CHRM3: variants seen among roughly 807,000 people sequenced by gnomAD.
CHRM3 encodes the protein muscarinic acetylcholine receptor M3.
A neutral mutation model predicts 41.8 loss-of-function variants in CHRM3; 11 were observed. The ratio of observed to expected loss-of-function variants is 0.26; its 90% CI spans 0.17 to 0.44. The LOEUF (loss-of-function observed/expected upper bound fraction) is 0.44. Ranked by LOEUF, CHRM3 falls within the 20% of genes least tolerant of loss-of-function variation. CHRM3 has a pLI of 1.00. For synonymous variants in CHRM3, 297 were observed against 301.4 expected (o/e 0.99, Z 0.15); for missense variants, 571 against 745.4 (o/e 0.77, Z 2.72).
At chr1:239,703,425 T>TGA (rs1374051732) in intron 5 of CHRM3, 1 of 152,218 alleles carries the variant, frequency 6.6e-6, no homozygotes, top group Non-Finnish European at 1.5e-5. Flanking sequence ...GCGTGGGAAA[T>TGA]GACTACCATA....
At chr1:239,618,670 C>T (rs756209635) in intron 3 of CHRM3, among the ~76,000 whole-genome samples, 18 of 151,094 alleles carry the variant, frequency 1.2e-4, no homozygotes, top group Admixed American at 4.6e-4. Context: ...CGGTGAAACC[C>T]CGTCTCTACT....
intron 4 of CHRM3, among the ~76,000 whole-genome samples, chr1:239,664,424 A>G (rs1673556586): frequency 6.6e-6 from 1 of 152,202 alleles, no homozygotes; most frequent in Admixed American, 6.5e-5. Flanking sequence ...TACCTCTAAA[A>G]TACTTTCCAA....
At chr1:239,428,561 TA>T (rs1662577767) in intron 1 of CHRM3, among the ~76,000 whole-genome samples, 2 of 152,218 alleles carry the variant, frequency 1.3e-5, no homozygotes, top group Non-Finnish European at 2.9e-5. Flanking sequence ...GTTTGTTGAA[TA>T]AAACGGAATT....
intron 2 of CHRM3, among the ~76,000 whole-genome samples, chr1:239,537,399 TG>T (rs986307699): frequency 3.2e-4 from 49 of 152,142 alleles, no homozygotes; most frequent in African/African-American, 1.1e-3. Flanking sequence ...GCACTTTACG[TG>T]GTGGGAACAA....
chr1:239,800,623 G>A (rs1258748862), intron 5 of CHRM3, among the ~76,000 whole-genome samples: 1 of 152,170 alleles, frequency 6.6e-6, no homozygotes, highest in African/African-American at 2.4e-5. Context: ...CAAGTCCAAG[G>A]AGATGCCAGC....
chr1:239,529,480 C>G (rs1353933966), intron 2 of CHRM3, among the ~76,000 whole-genome samples: 1 of 151,838 alleles, frequency 6.6e-6, no homozygotes, highest in African/African-American at 2.4e-5. Context: ...GACATGGTGG[C>G]ATGTGCCTGT....
chr1:239,792,543 C>A lies in CHRM3; in HGVS notation c.-146-34709C>A, dbSNP rs140043723. 2.6e-5 allele frequency among the ~76,000 whole-genome samples: 4 copies of A among 152,256 alleles called. No individual in the cohort carries two copies. The East Asian group carries it at 7.7e-4, about 29-fold the overall frequency. ...ATATGAACATGCATTTTAATGTAGACAAATAGATGAAATCATTTTGAGAGT... is the reference window on the plus strand; with the variant it reads ...ATATGAACATGCATTTTAATGTAGAAAAATAGATGAAATCATTTTGAGAGT... On this transcript the variant is annotated intron_variant, in intron 5 of 6. Transcript: ENST00000676153.
chr1:239,719,333 G>A (rs1662703225), intron 5 of CHRM3, among the ~76,000 whole-genome samples: 1 of 151,944 alleles, frequency 6.6e-6, no homozygotes, highest in Non-Finnish European at 1.5e-5. Context: ...TAGTTATTTA[G>A]CCCTTAATTG....
chr1:239,691,829 C>T (rs2147993222), intron 5 of CHRM3, among the ~76,000 whole-genome samples: 1 of 152,258 alleles, frequency 6.6e-6, no homozygotes, highest in East Asian at 1.9e-4. Context: ...AGACTCAAGG[C>T]TTACAAGCTC....
At chr1:239,888,640 A>T (rs1015388366) in intron 6 of CHRM3, among the ~76,000 whole-genome samples, 1 of 151,784 alleles carries the variant, frequency 6.6e-6, no homozygotes, top group African/African-American at 2.4e-5. Context: ...AGACTGAATT[A>T]GGTGGGATCA....
chr1:239,623,143 T>G (rs2148823110), intron 3 of CHRM3, among the ~76,000 whole-genome samples: 1 of 152,308 alleles, frequency 6.6e-6, no homozygotes, highest in South Asian at 2.1e-4. Flanking sequence ...CTTTAAGTTT[T>G]AGGGTACATG....
At chr1:239,859,568 C>T (rs1035806168) in intron 6 of CHRM3, among the ~76,000 whole-genome samples, 3 of 151,128 alleles carry the variant, frequency 2.0e-5, no homozygotes, top group African/African-American at 4.9e-5. Context: ...GCATGCACTA[C>T]GATGCTCAGC....
At chr1:239,814,220 G>C (rs1339435469) in intron 5 of CHRM3, among the ~76,000 whole-genome samples, 1 of 152,054 alleles carries the variant, frequency 6.6e-6, no homozygotes, top group Admixed American at 6.6e-5. Context: ...CCCTCTCTTT[G>C]TTTCTCTCTC....
intron 5 of CHRM3, among the ~76,000 whole-genome samples, chr1:239,778,996 C>G (rs906574344): frequency 1.3e-5 from 2 of 152,150 alleles, no homozygotes; most frequent in African/African-American, 4.8e-5. Context: ...TTTCCTGCCA[C>G]TTGTCAGAAG....
chr1:239,436,758 G>T (rs1663303422), intron 1 of CHRM3, among the ~76,000 whole-genome samples: 1 of 151,850 alleles, frequency 6.6e-6, no homozygotes, highest in African/African-American at 2.4e-5. Flanking sequence ...TACTTTTCTA[G>T]GGCAAAGATA....
intron 1 of CHRM3, among the ~76,000 whole-genome samples, chr1:239,469,324 A>G (rs1295160919): frequency 2.0e-5 from 3 of 152,104 alleles, no homozygotes; most frequent in Non-Finnish European, 1.5e-5. Context: ...AACCCATTCA[A>G]TTTTAAATGT....
chr1:239,561,332 A>G (rs1159162067), intron 3 of CHRM3, among the ~76,000 whole-genome samples: 1 of 152,108 alleles, frequency 6.6e-6, no homozygotes, highest in African/African-American at 2.4e-5. Context: ...CTGTATGGCC[A>G]TTGCCCAGAA....
chr1:239,769,467 C>G (rs1667482953), intron 5 of CHRM3, among the ~76,000 whole-genome samples: 1 of 152,222 alleles, frequency 6.6e-6, no homozygotes, highest in South Asian at 2.1e-4. Flanking sequence ...GATGACTGAT[C>G]TATTCAGCAT....
chr1:239,850,719 C>G (rs1674633014), intron 6 of CHRM3, among the ~76,000 whole-genome samples: 1 of 152,052 alleles, frequency 6.6e-6, no homozygotes, highest in Non-Finnish European at 1.5e-5. Flanking sequence ...TGAGTGAGTT[C>G]TCGTGTGATC....
Sources: gnomAD v4.1 joint callset for allele counts (sites outside exome capture counted in the v4.1 genomes callset) on GRCh38, gnomAD v4.1.1 for gene constraint, MANE v1.5 for transcripts, NCBI Gene and HGNC (gene_info 2026-07-23, HGNC 2026-07-21) for gene names.